Variants in PUS10 observed in about 807,000 individuals in gnomAD.
PUS10 encodes pseudouridine synthase 10, also known as tRNA pseudouridine synthase Pus10.
In PUS10, 59 loss-of-function variants were observed where a neutral mutation model predicts 75.0. That is an observed-to-expected ratio of 0.79 (90% confidence interval 0.64 to 0.98). The LOEUF (loss-of-function observed/expected upper bound fraction) is 0.98, where lower values mean the gene tolerates loss of function less well. Among genes scored for constraint, PUS10 ranks in the 50% least tolerant of loss-of-function variants. The pLI, the probability that PUS10 is intolerant of heterozygous loss-of-function variation, is 0.00. For synonymous variants in PUS10, 219 were observed against 211.6 expected (o/e 1.03, Z -0.30); for missense variants, 650 against 614.4 (o/e 1.06, Z -0.61).
Position 60,948,137 on chromosome 2 carries a change from G to A in PUS10, c.1357C>T (p.Pro453Ser), listed in dbSNP as rs1293302212. 1.2e-6 allele frequency: 2 copies of A among 1,613,986 alleles called. No individual in the cohort carries two copies. Among genetic ancestry groups the A allele is most frequent in the South Asian group, 1.1e-5 (1 of 91,092 alleles). The part of the protein sequence containing the change: ...KTPLRVLHRR[P>S]LAVRARVIHF... Reference sequence around the variant, plus strand: ...ATGACGCGAGCTCGCACAGCCAGGGGCCTTCGGTGAAGGACGCGCAAAGGT... The same window carrying A: ...ATGACGCGAGCTCGCACAGCCAGGGACCTTCGGTGAAGGACGCGCAAAGGT... The change falls in exon 16 of 18, where the codon CCC becomes TCC. Residue 453 changes from proline (P) to serine (S), a missense_variant. Transcript: ENST00000316752.
chr2:60,957,959 T>G (rs1296153281), intron 11 of PUS10, among the ~76,000 whole-genome samples: 1 of 152,272 alleles, frequency 6.6e-6, no homozygotes, highest in Non-Finnish European at 1.5e-5. Flanking sequence ...GAACTTTTGC[T>G]TGGCTCGGAG....
Position 60,941,542 on chromosome 2 carries a change from G to T in PUS10, c.*853C>A, listed in dbSNP as rs1674626748. ...GACAATATCCTATCTACTTTAATAA[G>T]GTATTATTAAAATGTTTATAATTGG... is the stretch of plus-strand genomic sequence containing the variant. On this transcript the variant is annotated 3_prime_UTR_variant, in exon 18 of 18. Coordinates refer to ENST00000316752, the MANE Select transcript of PUS10 (RefSeq NM_144709.4). 6.6e-6 allele frequency: 1 copy of T among 151,818 alleles called. No homozygotes were observed. 9.4% of individuals were successfully genotyped at this position (151,818 alleles called of 1,614,324 possible).
Position 61,017,783 on chromosome 2 carries a change from C to A in PUS10, c.-16+225G>T, listed in dbSNP as rs774943691. 9.2e-5 allele frequency: 143 copies of A among 1,550,152 alleles called. No individual in the cohort carries two copies. The highest frequency in any genetic ancestry group is 9.8e-5 in the Admixed American group (5 of 50,922). On this transcript the variant is annotated intron_variant, in intron 1 of 17. Coordinates refer to ENST00000316752, the MANE Select transcript of PUS10 (RefSeq NM_144709.4). ...AGATGGCGTCCCAGCCGCCACCTCC[C>A]CCCAAACCCTGGGAGACCCGCCGAA...
intron 4 of PUS10, among the ~76,000 whole-genome samples, chr2:61,003,689 T>C: frequency 6.6e-6 from 1 of 150,810 alleles, no homozygotes; most frequent in Non-Finnish European, 1.5e-5. Flanking sequence ...GGACTACAGA[T>C]ACGCATCACC....
intron 12 of PUS10, among the ~76,000 whole-genome samples, 170 bp from the exon 13 acceptor site, chr2:60,954,328 G>A (rs571235043): frequency 1.8e-4 from 28 of 152,298 alleles, no homozygotes; most frequent in Admixed American, 1.1e-3. Context: ...GAATCAAGGG[G>A]CTTTTTGCAG....
chr2:60,962,608 A>T (rs1439969056), intron 9 of PUS10, among the ~76,000 whole-genome samples: 5 of 152,096 alleles, frequency 3.3e-5, no homozygotes, highest in African/African-American at 1.2e-4. Context: ...TATTTTTTAA[A>T]AAAAAAAGAC....
At chr2:60,997,041 A>G (rs1043301818) in intron 4 of PUS10, among the ~76,000 whole-genome samples, 2 of 152,224 alleles carry the variant, frequency 1.3e-5, no homozygotes, top group Non-Finnish European at 2.9e-5. Context: ...AAGGTCTCAT[A>G]TAGATATATG....
At chr2:60,948,477 C>T (rs1014706021) in intron 15 of PUS10, among the ~76,000 whole-genome samples, 1 of 152,176 alleles carries the variant, frequency 6.6e-6, no homozygotes, top group African/African-American at 2.4e-5. Flanking sequence ...ATCTGCCCTC[C>T]TCAGCCTCCA....
At chr2:60,970,741 T>A (rs1448512382) in intron 5 of PUS10, among the ~76,000 whole-genome samples, 3 of 152,232 alleles carry the variant, frequency 2.0e-5, no homozygotes. Flanking sequence ...AAAACACTTT[T>A]GGCCTCCAAG....
chr2:60,973,255 G>A (rs1676804464), intron 4 of PUS10, among the ~76,000 whole-genome samples: 2 of 152,324 alleles, frequency 1.3e-5, no homozygotes, highest in African/African-American at 4.8e-5. Context: ...TGGCTGGGGC[G>A]GCCTCTGCTG....
intron 5 of PUS10, 39 bp downstream of exon 5, chr2:60,971,484 T>G (rs1676659241): frequency 6.4e-7 from 1 of 1,574,140 alleles, no homozygotes; most frequent in Non-Finnish European, 8.7e-7. Flanking sequence ...GTAGCTTGTA[T>G]TTGAATGGTA....
intron 17 of PUS10, among the ~76,000 whole-genome samples, chr2:60,943,762 TTG>T (rs56232022): frequency 0.25 from 37,030 of 146,400 alleles, 5,658 homozygotes; most frequent in Non-Finnish European, 0.36. Flanking sequence ...GATCACAATC[TTG>T]TGTGTGTGTG....
At chr2:60,998,138 T>A (rs1361900783) in intron 4 of PUS10, among the ~76,000 whole-genome samples, 1 of 152,078 alleles carries the variant, frequency 6.6e-6, no homozygotes. Flanking sequence ...TTAGAAAAAA[T>A]ATAGTCCTTT....
chr2:60,986,455 G>A (rs895398443), intron 4 of PUS10, among the ~76,000 whole-genome samples: 1 of 152,116 alleles, frequency 6.6e-6, no homozygotes, highest in African/African-American at 2.4e-5. Flanking sequence ...GATATAGAAT[G>A]AATGCTTTGT....
At position 60,940,330 on chromosome 2, in the gene PUS10, T is replaced by G. The variant is rs2104022359; in HGVS notation, c.*2065A>C. 6.6e-6 allele frequency: 1 copy of G among 152,448 alleles called. No homozygotes were observed. The allele number at this position is 152,448 out of a possible 1,614,324, so 9.4% of individuals were successfully genotyped here. A position where few individuals can be genotyped will look rare whatever the true frequency, so the allele number is the denominator to read the frequency against. On this transcript the variant is annotated 3_prime_UTR_variant, in exon 18 of 18. Transcript: ENST00000316752. ...ATATTTGGGACTATATAAGAGATACTAAGAAGTACAAAGGGCTCTTTCTCT... is the reference window on the plus strand; with the variant it reads ...ATATTTGGGACTATATAAGAGATACGAAGAAGTACAAAGGGCTCTTTCTCT...
intron 15 of PUS10, among the ~76,000 whole-genome samples, chr2:60,952,345 AAAAAAAAG>A (rs1394300550): frequency 1.3e-5 from 2 of 151,688 alleles, no homozygotes; most frequent in East Asian, 1.9e-4. Context: ...AAAAAAAAAA[AAAAAAAAG>A]AAAAAAAGAA....
At chr2:60,965,026 C>T (rs767343741) in intron 8 of PUS10, 32 bp downstream of exon 8, 23 of 1,607,110 alleles carry the variant, frequency 1.4e-5, no homozygotes, top group Non-Finnish European at 8.5e-7. Context: ...ACAAAACTCA[C>T]TCAAGACTAA....
At chr2:61,012,366 C>T (rs1679658112) in intron 1 of PUS10, among the ~76,000 whole-genome samples, 1 of 152,012 alleles carries the variant, frequency 6.6e-6, no homozygotes, top group Non-Finnish European at 1.5e-5. Flanking sequence ...AAATGAAGGC[C>T]TCAGCAGCAG....
At chr2:60,976,413 G>A (rs1034100788) in intron 4 of PUS10, among the ~76,000 whole-genome samples, 32 of 152,166 alleles carry the variant, frequency 2.1e-4, no homozygotes, top group African/African-American at 4.1e-4. Flanking sequence ...AGACTCTTCC[G>A]TCTTTTCTTA....
Sources: gnomAD v4.1 joint callset for allele counts (sites outside exome capture counted in the v4.1 genomes callset) on GRCh38, gnomAD v4.1.1 for gene constraint, MANE v1.5 for transcripts, NCBI Gene and HGNC (gene_info 2026-07-23, HGNC 2026-07-21) for gene names.